Variants in MAN1A1 observed in about 807,000 individuals in gnomAD.
MAN1A1 encodes mannosyl-oligosaccharide 1,2-alpha-mannosidase IA.
Under a neutral mutation model 70.8 loss-of-function variants are expected in MAN1A1, and 29 were observed. The observed-to-expected ratio is 0.41, with a 90% CI of 0.31 to 0.56. The LOEUF is 0.56. Among genes scored for constraint, MAN1A1 ranks in the 20% least tolerant of loss-of-function variants. MAN1A1 has a pLI of 0.29. For missense variants in MAN1A1, 747 were observed against 841.3 expected (o/e 0.89, Z 1.39); for synonymous variants, 349 against 330.1 (o/e 1.06, Z -0.62).
In MAN1A1 at chr6:119,190,848, T is replaced by G. The variant is rs1486129741; in HGVS notation, c.1327-965A>C. 2.6e-5 allele frequency among the ~76,000 whole-genome samples: 4 copies of G among 152,332 alleles called. No individual in the cohort carries two copies. In the East Asian group the frequency reaches 7.7e-4, roughly 29 times the overall value. On this transcript the variant is annotated intron_variant, in intron 9 of 12. Transcript: ENST00000368468. ...AGCAAAAATAAAGTGTGTTTGGCAT[T>G]GCTAATCTCCAATTACTCTAACAGA...
At chr6:119,340,470 A>G (rs1773567832) in intron 2 of MAN1A1, among the ~76,000 whole-genome samples, 1 of 152,200 alleles carries the variant, frequency 6.6e-6, no homozygotes, top group South Asian at 2.1e-4. Context: ...CCATTTAATG[A>G]GGAAGGATTT....
chr6:119,314,789 T>C (rs987689130), intron 2 of MAN1A1, among the ~76,000 whole-genome samples: 1 of 152,118 alleles, frequency 6.6e-6, no homozygotes, highest in Admixed American at 6.5e-5. Context: ...CAGCACCACC[T>C]TTCCTTGCCT....
At position 119,289,032 on chromosome 6, in the gene MAN1A1, A is replaced by T. The variant is rs556588844; in HGVS notation, c.897+1651T>A. On this transcript the variant is annotated intron_variant, in intron 5 of 12. Transcript: ENST00000368468. ...AAGTCTTAGGCAAATTATTTTATCT[A>T]TAGGCAAACTATAATATCTGTGGGT... 2.7e-5 allele frequency among the ~76,000 whole-genome samples: 4 copies of T among 150,458 alleles called. No homozygotes were observed. The South Asian group carries it at 6.3e-4, about 24-fold the overall frequency.
intron 2 of MAN1A1, among the ~76,000 whole-genome samples, chr6:119,331,337 A>C (rs941226192): frequency 1.3e-5 from 2 of 151,978 alleles, no homozygotes; most frequent in South Asian, 2.1e-4. Flanking sequence ...ACTTTATAGA[A>C]TCTCTTGCTT....
At chr6:119,248,064 A>C (rs1201168150) in intron 6 of MAN1A1, among the ~76,000 whole-genome samples, 196 bp downstream of exon 6, 2 of 152,192 alleles carry the variant, frequency 1.3e-5, no homozygotes, top group East Asian at 3.8e-4. Flanking sequence ...ACGCCATCCC[A>C]CAATGGGGAC....
intron 5 of MAN1A1, among the ~76,000 whole-genome samples, chr6:119,273,465 C>T (rs890384143): frequency 1.3e-5 from 2 of 152,130 alleles, no homozygotes; most frequent in Admixed American, 1.3e-4. Context: ...CTGCATATTA[C>T]TCTGTTATGT....
intron 2 of MAN1A1, chr6:119,331,881 G>GA: frequency 2.3e-6 from 1 of 436,314 alleles, no homozygotes; most frequent in Non-Finnish European, 4.5e-6. Flanking sequence ...GGGATATGGG[G>GA]AACCCAGCAG....
intron 2 of MAN1A1, among the ~76,000 whole-genome samples, chr6:119,347,734 G>A (rs964123906): frequency 2.0e-5 from 3 of 152,176 alleles, no homozygotes; most frequent in African/African-American, 7.2e-5. Context: ...CATGTTTCAA[G>A]TTCTAACTGA....
At chr6:119,313,661 T>TA (rs11386650) in intron 2 of MAN1A1, among the ~76,000 whole-genome samples, 55,340 of 145,030 alleles carry the variant, frequency 0.38, 10,486 homozygotes, top group Non-Finnish European at 0.41. Context: ...CTACTTATAC[T>TA]AAAAAAAAAA....
At chr6:119,315,076 G>A (rs1772813361) in intron 2 of MAN1A1, among the ~76,000 whole-genome samples, 1 of 152,102 alleles carries the variant, frequency 6.6e-6, no homozygotes, top group Non-Finnish European at 1.5e-5. Flanking sequence ...TGTATTACTC[G>A]ACTTCTTGTT....
intron 2 of MAN1A1, among the ~76,000 whole-genome samples, chr6:119,334,122 A>G (rs2114497914): frequency 6.6e-6 from 1 of 152,326 alleles, no homozygotes; most frequent in East Asian, 1.9e-4. Context: ...TTTATTTTCG[A>G]TCAATTTTAG....
In MAN1A1 at chr6:119,221,850, AT is replaced by A. The variant is rs755179378; in HGVS notation, c.993-16969del. 2.0e-5 allele frequency among the ~76,000 whole-genome samples: 3 copies of A among 152,212 alleles called. No homozygotes were observed. In the South Asian group the frequency reaches 6.2e-4, roughly 32 times the overall value. On this transcript the variant is annotated intron_variant, in intron 6 of 12. Transcript: ENST00000368468. Reference sequence around the variant, plus strand: ...GAGATAAACACTTAAATTTACTCATATACCCACCACTTAGATTTAACAAATA... The same window carrying A: ...GAGATAAACACTTAAATTTACTCATAACCCACCACTTAGATTTAACAAATA...
At chr6:119,336,011 G>C (rs1468268635) in intron 2 of MAN1A1, among the ~76,000 whole-genome samples, 2 of 152,086 alleles carry the variant, frequency 1.3e-5, no homozygotes, top group Non-Finnish European at 2.9e-5. Context: ...TGCTAAAAAT[G>C]CAAATTCTGG....
At chr6:119,249,099 A>T (rs1447259446) in intron 5 of MAN1A1, among the ~76,000 whole-genome samples, 1 of 152,156 alleles carries the variant, frequency 6.6e-6, no homozygotes, top group Non-Finnish European at 1.5e-5. Context: ...GGCCGATAAT[A>T]CCACAGACCG....
chr6:119,335,277 A>G (rs1773423325), intron 2 of MAN1A1, among the ~76,000 whole-genome samples: 1 of 152,232 alleles, frequency 6.6e-6, no homozygotes, highest in South Asian at 2.1e-4. Context: ...TAGTAAGTAC[A>G]TACTATGTAT....
chr6:119,230,034 T>A (rs1338715786), intron 6 of MAN1A1, among the ~76,000 whole-genome samples: 1 of 152,178 alleles, frequency 6.6e-6, no homozygotes, highest in African/African-American at 2.4e-5. Flanking sequence ...AGTCAAATGA[T>A]CTGATGACAG....
At chr6:119,229,794 G>A (rs1202169883) in intron 6 of MAN1A1, among the ~76,000 whole-genome samples, 2 of 151,992 alleles carry the variant, frequency 1.3e-5, no homozygotes, top group Non-Finnish European at 2.9e-5. Flanking sequence ...ATATCTGCCC[G>A]TTCTGACTTC....
At chr6:119,317,074 T>C in intron 2 of MAN1A1, among the ~76,000 whole-genome samples, 1 of 152,068 alleles carries the variant, frequency 6.6e-6, no homozygotes, top group East Asian at 1.9e-4. Flanking sequence ...GTATGTTTTC[T>C]AAAACAGACT....
intron 8 of MAN1A1, among the ~76,000 whole-genome samples, chr6:119,197,694 C>G (rs1280393832): frequency 6.6e-6 from 1 of 152,060 alleles, no homozygotes. Context: ...GCCAAGCAGG[C>G]CTCGATTGAA....
Sources: gnomAD v4.1 joint callset for allele counts (sites outside exome capture counted in the v4.1 genomes callset) on GRCh38, gnomAD v4.1.1 for gene constraint, MANE v1.5 for transcripts, NCBI Gene and HGNC (gene_info 2026-07-23, HGNC 2026-07-21) for gene names.